Variants in LIN28B observed in about 807,000 individuals in gnomAD.
LIN28B encodes the protein lin-28 RNA binding posttranscriptional regulator B, also known as protein lin-28 homolog B.
In LIN28B, 5 loss-of-function variants were observed where a neutral mutation model predicts 21.9. The ratio of observed to expected loss-of-function variants is 0.23; its 90% CI spans 0.12 to 0.48. The LOEUF is 0.48. Ranked by LOEUF, LIN28B falls within the 20% of genes least tolerant of loss-of-function variation. LIN28B has a pLI of 0.98. For synonymous variants in LIN28B, 109 were observed against 111.3 expected, an observed-to-expected ratio of 0.98 and a Z score of 0.13; for missense variants, 245 against 310.5, an observed-to-expected ratio of 0.79 and a Z score of 1.58.
At chr6:104,953,928 G>T (rs770144633), upstream of LIN28B, among the ~76,000 whole-genome samples, 2 of 152,182 alleles carry the variant, frequency 1.3e-5, no homozygotes, top group Non-Finnish European at 2.9e-5. Context: ...AACAACGACG[G>T]TGGGCTCTGG....
intron 2 of LIN28B, among the ~76,000 whole-genome samples, chr6:105,015,282 CTTCTTTATTTTTG>C (rs1771004516): frequency 6.6e-6 from 1 of 151,734 alleles, no homozygotes; most frequent in African/African-American, 2.4e-5. Flanking sequence ...ATGAAATGTC[CTTCTTTATTTTTG>C]ATAATACTCT....
chr6:105,002,056 T>C (rs1198725126), intron 2 of LIN28B, among the ~76,000 whole-genome samples: 2 of 152,104 alleles, frequency 1.3e-5, no homozygotes, highest in Non-Finnish European at 2.9e-5. Context: ...AGTGAAAGAA[T>C]TAGAGCAGAG....
chr6:104,997,547 C>T (rs986575453), intron 2 of LIN28B, among the ~76,000 whole-genome samples: 1 of 151,532 alleles, frequency 6.6e-6, no homozygotes, highest in African/African-American at 2.4e-5. Context: ...ACACCCGCCC[C>T]CCCCCGCCAC....
At chr6:105,014,995 C>T (rs962071952) in intron 2 of LIN28B, among the ~76,000 whole-genome samples, 1 of 151,462 alleles carries the variant, frequency 6.6e-6, no homozygotes, top group Admixed American at 6.6e-5. Flanking sequence ...TTCTATTTTA[C>T]TTCTCTTTTG....
intron 3 of LIN28B, among the ~76,000 whole-genome samples, chr6:105,070,803 G>A (rs371847947): frequency 1.4e-4 from 22 of 152,060 alleles, no homozygotes; most frequent in African/African-American, 4.8e-4. Context: ...CCCTTTCACC[G>A]TACTATTTTC....
chr6:104,954,370 A>G (rs1778258595), upstream of LIN28B, among the ~76,000 whole-genome samples: 1 of 152,170 alleles, frequency 6.6e-6, no homozygotes, highest in Non-Finnish European at 1.5e-5. Context: ...TTTAGGCTCA[A>G]AAGTTTTGGG....
At chr6:105,039,487 A>G (rs1771589207) in intron 3 of LIN28B, among the ~76,000 whole-genome samples, 1 of 152,170 alleles carries the variant, frequency 6.6e-6, no homozygotes, top group African/African-American at 2.4e-5. Flanking sequence ...AGTTGCACAG[A>G]GTGTATGAAA....
At chr6:104,963,086 C>T (rs917301217) in intron 2 of LIN28B, among the ~76,000 whole-genome samples, 7 of 152,084 alleles carry the variant, frequency 4.6e-5, no homozygotes, top group Admixed American at 6.6e-5. Flanking sequence ...CTGGCTCTGT[C>T]GCCCAGGTTG....
chr6:105,061,221 G>GTT (rs1772115926), intron 3 of LIN28B, among the ~76,000 whole-genome samples: 1 of 151,952 alleles, frequency 6.6e-6, no homozygotes, highest in Admixed American at 6.6e-5. Context: ...GACTCCAAGG[G>GTT]GTGAAGCAGA....
intron 3 of LIN28B, among the ~76,000 whole-genome samples, chr6:105,072,546 T>C (rs1409736050): frequency 3.9e-5 from 6 of 152,166 alleles, no homozygotes; most frequent in African/African-American, 1.4e-4. Context: ...ATGAAAACTT[T>C]TCTGGTGTTA....
At chr6:104,979,213 T>A (rs1166505053) in intron 2 of LIN28B, among the ~76,000 whole-genome samples, 1 of 151,684 alleles carries the variant, frequency 6.6e-6, no homozygotes, top group African/African-American at 2.4e-5. Flanking sequence ...TTTTTTAATT[T>A]AATTTTTTTT....
intron 2 of LIN28B, among the ~76,000 whole-genome samples, chr6:104,968,174 A>G (rs1769902021): frequency 6.6e-6 from 1 of 152,342 alleles, no homozygotes; most frequent in East Asian, 1.9e-4. Context: ...AAAATTTAAA[A>G]TAAGTTTTTT....
intron 2 of LIN28B, among the ~76,000 whole-genome samples, chr6:104,995,648 A>G (rs1441204820): frequency 6.6e-6 from 1 of 152,228 alleles, no homozygotes; most frequent in Non-Finnish European, 1.5e-5. Context: ...AAGAGGGATT[A>G]GTGACATACT....
At chr6:104,998,107 G>C (rs1387365326) in intron 2 of LIN28B, among the ~76,000 whole-genome samples, 1 of 152,008 alleles carries the variant, frequency 6.6e-6, no homozygotes, top group Non-Finnish European at 1.5e-5. Flanking sequence ...GTGTAATACT[G>C]ATCAAACCAT....
At chr6:105,027,041 C>T (rs1410519873) in intron 3 of LIN28B, among the ~76,000 whole-genome samples, 1 of 151,698 alleles carries the variant, frequency 6.6e-6, no homozygotes, top group African/African-American at 2.4e-5. Context: ...TTTGAATGTA[C>T]CAAAATATAA....
chr6:105,026,218 T>G, intron 2 of LIN28B, 80 bp from the exon 3 acceptor site: 1 of 733,856 alleles, frequency 1.4e-6, no homozygotes, highest in South Asian at 3.4e-5. Context: ...CTTTCTTTTT[T>G]AAAATTATAG....
At chr6:105,043,319 G>A (rs1450156384) in intron 3 of LIN28B, among the ~76,000 whole-genome samples, 2 of 103,816 alleles carry the variant, frequency 1.9e-5, no homozygotes, top group Admixed American at 2.8e-4. Context: ...CTGCTCAAGA[G>A]CAACAGAGTG....
intron 2 of LIN28B, among the ~76,000 whole-genome samples, chr6:104,978,123 TGTAGAAATCCAAGATA>T (rs1562079183): frequency 1.3e-5 from 2 of 152,248 alleles, no homozygotes. Context: ...TACGGTAAAC[TGTAGAAATCCAAGATA>T]GTTTTGGGCT....
At chr6:105,038,844 A>C (rs1322063367) in intron 3 of LIN28B, among the ~76,000 whole-genome samples, 2 of 152,256 alleles carry the variant, frequency 1.3e-5, no homozygotes, top group African/African-American at 4.8e-5. Context: ...GTGTGGCATT[A>C]CTAACCTAAA....
Sources: gnomAD v4.1 joint callset for allele counts (sites outside exome capture counted in the v4.1 genomes callset) on GRCh38, gnomAD v4.1.1 for gene constraint, MANE v1.5 for transcripts, NCBI Gene and HGNC (gene_info 2026-07-23, HGNC 2026-07-21) for gene names.